Variants in MCUB observed in about 807,000 individuals in gnomAD.
MCUB encodes the protein calcium uniporter regulatory subunit MCUb, mitochondrial.
A neutral mutation model predicts 41.4 loss-of-function variants in MCUB; 46 were observed. The ratio of observed to expected loss-of-function variants is 1.11; its 90% CI spans 0.88 to 1.42. The LOEUF is 1.42. MCUB is among the 40% of genes most tolerant of loss of function. The probability of loss-of-function intolerance (pLI) is 0.00; values close to 1 mark genes in which losing one functional copy is unlikely to be tolerated. For synonymous variants in MCUB, 148 were observed against 148.2 expected, an observed-to-expected ratio of 1.00 and a Z score of 0.01; for missense variants, 403 against 404.9, an observed-to-expected ratio of 1.00 and a Z score of 0.04.
chr4:109,656,613 C>A lies in MCUB; in HGVS notation c.100-2398C>A, dbSNP rs141420631. ...CTCAAACTTCTGGGCTCAAGCAATCCGTCTGCCTCAGCCTCCCAAAGTGCT... is the reference window on the plus strand; with the variant it reads ...CTCAAACTTCTGGGCTCAAGCAATCAGTCTGCCTCAGCCTCCCAAAGTGCT... On this transcript the variant is annotated intron_variant, in intron 1 of 7. Coordinates refer to ENST00000394650, the MANE Select transcript of MCUB (RefSeq NM_017918.5). 7.2e-3 allele frequency among the ~76,000 whole-genome samples: 1,099 copies of A among 152,022 alleles called. 12 individuals carry two copies. The highest frequency in any genetic ancestry group is 0.025 in the African/African-American group (1,040 of 41,500).
intron 1 of MCUB, among the ~76,000 whole-genome samples, chr4:109,653,343 C>T (rs1399230120): frequency 6.6e-6 from 1 of 150,896 alleles, no homozygotes; most frequent in Non-Finnish European, 1.5e-5. Context: ...CATGCCACTG[C>T]ACTCCAGCCT....
chr4:109,639,507 G>C (rs1378870437), intron 1 of MCUB, among the ~76,000 whole-genome samples: 1 of 152,048 alleles, frequency 6.6e-6, no homozygotes, highest in Non-Finnish European at 1.5e-5. Context: ...GGCCAACGTG[G>C]TAAAATCCTG....
chr4:109,594,524 C>T (rs907360365), intron 1 of MCUB, among the ~76,000 whole-genome samples: 3 of 152,048 alleles, frequency 2.0e-5, no homozygotes, highest in African/African-American at 4.8e-5. Flanking sequence ...GGTGTGGTGG[C>T]GCATGCCTGT....
intron 1 of MCUB, among the ~76,000 whole-genome samples, chr4:109,605,712 G>A (rs570107639): frequency 6.6e-6 from 1 of 152,296 alleles, no homozygotes; most frequent in South Asian, 2.1e-4. Flanking sequence ...GGATGATCCA[G>A]TGTTGGGTGC....
At chr4:109,595,854 G>C (rs1312482923) in intron 1 of MCUB, among the ~76,000 whole-genome samples, 2 of 152,030 alleles carry the variant, frequency 1.3e-5, no homozygotes, top group African/African-American at 4.8e-5. Flanking sequence ...TAATATCAGA[G>C]GGAGCCCTGT....
chr4:109,600,210 C>G (rs1390323912), intron 1 of MCUB, among the ~76,000 whole-genome samples: 1 of 152,140 alleles, frequency 6.6e-6, no homozygotes, highest in African/African-American at 2.4e-5. Context: ...TTTAGTTCTG[C>G]CACTACCTGT....
intron 1 of MCUB, among the ~76,000 whole-genome samples, chr4:109,597,595 G>A (rs1478439647): frequency 1.8e-4 from 24 of 134,778 alleles, no homozygotes; most frequent in African/African-American, 5.9e-4. Flanking sequence ...GGGCAGAGGC[G>A]CCCCTCACCT....
chr4:109,625,497 GTTA>G (rs1728342263), intron 1 of MCUB, among the ~76,000 whole-genome samples: 2 of 152,340 alleles, frequency 1.3e-5, no homozygotes, highest in Non-Finnish European at 2.9e-5. Flanking sequence ...GTTAGAAGAT[GTTA>G]CCCCTGTAGG....
At chr4:109,588,487 T>G (rs1469604674) in intron 1 of MCUB, among the ~76,000 whole-genome samples, 1 of 152,190 alleles carries the variant, frequency 6.6e-6, no homozygotes, top group Admixed American at 6.5e-5. Context: ...CTGTGGAGAT[T>G]TTGATGTTTG....
intron 1 of MCUB, among the ~76,000 whole-genome samples, chr4:109,655,324 A>G (rs1435883993): frequency 6.6e-6 from 1 of 152,216 alleles, no homozygotes; most frequent in East Asian, 1.9e-4. Context: ...AAATTCGCTG[A>G]ACCTCATTGT....
intron 1 of MCUB, among the ~76,000 whole-genome samples, chr4:109,589,024 G>A (rs1727373489): frequency 6.6e-6 from 1 of 152,152 alleles, no homozygotes; most frequent in Admixed American, 6.5e-5. Context: ...AAGTCATTAA[G>A]GTAACCATAA....
intron 1 of MCUB, among the ~76,000 whole-genome samples, chr4:109,581,633 T>C (rs950575800): frequency 2.6e-5 from 4 of 152,282 alleles, no homozygotes; most frequent in East Asian, 1.9e-4. Flanking sequence ...AACCTACTTA[T>C]CTGACGAAGG....
At position 109,659,089 on chromosome 4, in the gene MCUB, A is replaced by G. The variant is rs544852646; in HGVS notation, c.175+3A>G. On this transcript the variant is annotated splice_donor_region_variant and intron_variant, in intron 2 of 7. Transcript: ENST00000394650. ...TAGTACCGTGGTGCCACCTGATGGTAAGCTTTCTTACCATTTATTTGATTC... is the reference window on the plus strand; with the variant it reads ...TAGTACCGTGGTGCCACCTGATGGTGAGCTTTCTTACCATTTATTTGATTC... The G allele has an allele frequency of 2.0e-5, 28 of 1,425,460 alleles. No individual in the cohort carries two copies. Among genetic ancestry groups the G allele is most frequent in the Non-Finnish European group, 2.4e-5 (25 of 1,031,880 alleles). The allele number at this position is 1,425,460 out of a possible 1,614,324, so 88.3% of individuals were successfully genotyped here.
chr4:109,633,343 C>T (rs1415764907), intron 1 of MCUB, among the ~76,000 whole-genome samples: 1 of 152,194 alleles, frequency 6.6e-6, no homozygotes, highest in South Asian at 2.1e-4. Flanking sequence ...TCTCGGCTCA[C>T]TGTAAGCTCC....
intron 1 of MCUB, among the ~76,000 whole-genome samples, chr4:109,629,752 C>G (rs1269400058): frequency 6.6e-6 from 1 of 152,220 alleles, no homozygotes; most frequent in African/African-American, 2.4e-5. Flanking sequence ...TGTCCACTCT[C>G]TGGGGATGCC....
intron 1 of MCUB, among the ~76,000 whole-genome samples, chr4:109,610,001 C>G (rs1487465726): frequency 6.6e-6 from 1 of 152,190 alleles, no homozygotes; most frequent in African/African-American, 2.4e-5. Context: ...AAAGTTCCTC[C>G]TAATCTTCCC....
intron 4 of MCUB, among the ~76,000 whole-genome samples, chr4:109,676,328 C>T (rs1012718800): frequency 6.6e-6 from 1 of 152,144 alleles, no homozygotes; most frequent in African/African-American, 2.4e-5. Flanking sequence ...CACTTGAGGT[C>T]AGGAGTTTGA....
intron 1 of MCUB, among the ~76,000 whole-genome samples, chr4:109,593,123 G>A (rs549973921): frequency 3.3e-5 from 5 of 152,244 alleles, no homozygotes; most frequent in Admixed American, 6.5e-5. Context: ...ATATAAATGC[G>A]TGCATCTTTC....
At chr4:109,582,966 C>A (rs552593100) in intron 1 of MCUB, among the ~76,000 whole-genome samples, 91 of 152,230 alleles carry the variant, frequency 6.0e-4, no homozygotes, top group African/African-American at 2.0e-3. Context: ...GTTACTGTAG[C>A]CTTGTAGTAT....
Sources: gnomAD v4.1 joint callset for allele counts (sites outside exome capture counted in the v4.1 genomes callset) on GRCh38, gnomAD v4.1.1 for gene constraint, MANE v1.5 for transcripts, NCBI Gene and HGNC (gene_info 2026-07-23, HGNC 2026-07-21) for gene names.